THUMPD2: variants seen among roughly 807,000 people sequenced by gnomAD.
The protein encoded by THUMPD2 is U6 snRNA (guanine-N(2))-methyltransferase THUMPD2.
A neutral mutation model predicts 49.4 loss-of-function variants in THUMPD2; 56 were observed. That is an observed-to-expected ratio of 1.13 (90% confidence interval 0.91 to 1.41). The LOEUF is 1.41. Ranked by LOEUF, THUMPD2 falls within the 40% of genes most tolerant of loss-of-function variation. The pLI is 0.00. For missense variants in THUMPD2, 709 were observed against 594.5 expected (o/e 1.19, Z -2.00); for synonymous variants, 237 against 205.2 (o/e 1.15, Z -1.32).
chr2:39,779,033 TC>T, intron 1 of THUMPD2, 80 bp downstream of exon 1: 1 of 1,349,844 alleles, frequency 7.4e-7, no homozygotes, highest in South Asian at 1.8e-5. Context: ...AGCGACGCTT[TC>T]CCGCGTCCAC....
intron 6 of THUMPD2, among the ~76,000 whole-genome samples, 164 bp from the exon 7 acceptor site, chr2:39,756,124 A>T (rs1446402148): frequency 1.3e-5 from 2 of 152,094 alleles, no homozygotes; most frequent in Non-Finnish European, 2.9e-5. Context: ...TTATTTTTTT[A>T]AGTTGAAAGA....
chr2:39,771,459 A>G (rs772250161), intron 2 of THUMPD2, 46 bp downstream of exon 2: 1 of 1,547,988 alleles, frequency 6.5e-7, no homozygotes, highest in Middle Eastern at 1.8e-4. Context: ...GTTGGAGTAC[A>G]ATGTATCATG....
chr2:39,744,491 A>G lies in THUMPD2; in HGVS notation c.1079-13T>C. Reference sequence around the variant, plus strand: ...GGCAATGGCAATTCTGAAATATAGAAATCAGAGAATCCTATTACAGTAGGG... The same window carrying G: ...GGCAATGGCAATTCTGAAATATAGAGATCAGAGAATCCTATTACAGTAGGG... On this transcript the variant is annotated splice_polypyrimidine_tract_variant and intron_variant, in intron 8 of 9. Coordinates refer to ENST00000505747, the MANE Select transcript of THUMPD2 (RefSeq NM_025264.5). The G allele has an allele frequency of 1.3e-6, 2 of 1,498,598 alleles. No individual in the cohort carries two copies. The highest frequency in any genetic ancestry group is 1.8e-6 in the Non-Finnish European group (2 of 1,102,670). The allele number at this position is 1,498,598 out of a possible 1,614,324, so 92.8% of individuals were successfully genotyped here.
Position 39,736,754 on chromosome 2 carries a change from G to A in THUMPD2, c.1493C>T (p.Ser498Leu), listed in dbSNP as rs145653260. The A allele has an allele frequency of 9.9e-6, 16 of 1,613,712 alleles. No individual in the cohort carries two copies. In the African/African-American group the frequency reaches 1.6e-4, roughly 16 times the overall value. ...TDAFICKYKK[S>L]HSSGL ...AGCCTGCTACAGTCCAGAAGAGTGC[G>A]ACTTCTTATATTTACATATGAACGC... Residue 498 changes from serine (S) to leucine (L), a missense_variant, in exon 10 of 10, where the codon TCG becomes TTG. Coordinates refer to ENST00000505747, the MANE Select transcript of THUMPD2 (RefSeq NM_025264.5).
At chr2:39,759,879 T>C (rs559732162) in intron 6 of THUMPD2, among the ~76,000 whole-genome samples, 50 of 152,250 alleles carry the variant, frequency 3.3e-4, no homozygotes, top group African/African-American at 1.1e-3. Context: ...ATCGTTTAAA[T>C]ACCACATTTG....
At chr2:39,761,552 C>A in intron 5 of THUMPD2, 134 bp from the exon 6 acceptor site, 1 of 821,226 alleles carries the variant, frequency 1.2e-6, no homozygotes, top group Non-Finnish European at 1.9e-6. Flanking sequence ...CTAAGTTAGA[C>A]AATGTTTCAG....
chr2:39,767,212 A>G lies in THUMPD2; in HGVS notation c.751-1103T>C, dbSNP rs184119201. Among the ~76,000 whole-genome samples, 904 of 152,326 alleles carry G rather than the reference A, an allele frequency of 5.9e-3. 4 individuals carry two copies. Among genetic ancestry groups the G allele is most frequent in the Middle Eastern group, 0.014 (4 of 294 alleles). On this transcript the variant is annotated intron_variant, in intron 4 of 9. Transcript: ENST00000505747. ...ATGGCTGATAGGAATTGAATTTGCT[A>G]TATTTATTTATGAGATAATCTATGA...
chr2:39,741,104 A>T (rs1673839397), intron 9 of THUMPD2, among the ~76,000 whole-genome samples: 1 of 152,204 alleles, frequency 6.6e-6, no homozygotes. Flanking sequence ...CAGTGATGAT[A>T]ATAATAAGAA....
rs975790928 is a variant in THUMPD2, at chr2:39,736,409, G to A, written c.*326C>T. 5.1e-6 allele frequency: 1 copy of A among 197,728 alleles called. No individual in the cohort carries two copies. Among genetic ancestry groups the A allele is most frequent in the Non-Finnish European group, 1.0e-5 (1 of 98,374 alleles). 12.2% of individuals were successfully genotyped at this position (197,728 alleles called of 1,614,324 possible). ...AAATATCCCGTCTGGTGTTGATTGT[G>A]ATACACTTAAGTGAACCCCTGAAAA... is the stretch of plus-strand genomic sequence containing the variant. On this transcript the variant is annotated 3_prime_UTR_variant, in exon 10 of 10. Transcript: ENST00000505747.
chr2:39,764,059 T>C (rs902206297), intron 5 of THUMPD2, among the ~76,000 whole-genome samples: 3 of 152,238 alleles, frequency 2.0e-5, no homozygotes, highest in Non-Finnish European at 4.4e-5. Flanking sequence ...CTCTTCTCCA[T>C]GCGGCATACA....
intron 9 of THUMPD2, among the ~76,000 whole-genome samples, chr2:39,743,799 A>G (rs1256357197): frequency 6.6e-6 from 1 of 152,236 alleles, no homozygotes; most frequent in Non-Finnish European, 1.5e-5. Context: ...CTGCAGAATC[A>G]TGAGCCAAGT....
chr2:39,747,622 G>A (rs192281279), intron 8 of THUMPD2, among the ~76,000 whole-genome samples: 211 of 152,138 alleles, frequency 1.4e-3, no homozygotes, highest in Middle Eastern at 3.4e-3. Flanking sequence ...CCCTGAAAAC[G>A]TATCTGTGCA....
intron 6 of THUMPD2, among the ~76,000 whole-genome samples, chr2:39,757,733 T>C (rs966670125): frequency 6.6e-6 from 1 of 152,236 alleles, no homozygotes; most frequent in African/African-American, 2.4e-5. Flanking sequence ...TTTATAGAAC[T>C]TGATTTTCCT....
chr2:39,755,960 C>A lies in THUMPD2; in HGVS notation c.892G>T (p.Ala298Ser). ...WAMASLADIK[A>S]GAFVLDPMCG... ...ATTGGATCTAAAACAAATGCACCAGCCTGCAGACAGAAATATTAATTTGGT... is the reference window on the plus strand; with the variant it reads ...ATTGGATCTAAAACAAATGCACCAGACTGCAGACAGAAATATTAATTTGGT... Residue 298 changes from alanine to serine, a missense_variant and splice_region_variant, in exon 7 of 10, where the codon GCT (alanine) becomes TCT (serine). Coordinates refer to ENST00000505747, the MANE Select transcript of THUMPD2 (RefSeq NM_025264.5). 6.2e-7 allele frequency: 1 copy of A among 1,613,504 alleles called. No individual in the cohort carries two copies. Among genetic ancestry groups the A allele is most frequent in the Non-Finnish European group, 8.5e-7 (1 of 1,179,624 alleles).
At chr2:39,764,519 C>A (rs958668389) in intron 5 of THUMPD2, among the ~76,000 whole-genome samples, 1 of 152,082 alleles carries the variant, frequency 6.6e-6, no homozygotes, top group Non-Finnish European at 1.5e-5. Flanking sequence ...ATGGTTTTTT[C>A]CTTTAAAGAA....
rs558354952 is a variant in THUMPD2 at position 39,765,205 on chromosome 2, G to A, written c.803+852C>T. Among the ~76,000 whole-genome samples, 40 of 152,026 alleles carry A rather than the reference G, an allele frequency of 2.6e-4. No homozygotes were observed. The South Asian group carries it at 5.4e-3, about 21-fold the overall frequency. On this transcript the variant is annotated intron_variant, in intron 5 of 9. Transcript: ENST00000505747. ...GACAGAGTCTCACTCTGTCACCCAC[G>A]CTGGAGTGCAATGGCATGATTCTGG... is the stretch of plus-strand genomic sequence containing the variant.
Position 39,769,998 on chromosome 2 carries a change from T to C in THUMPD2, c.384A>G (p.Arg128=), listed in dbSNP as rs1485271574. ...CTTTTCTTTTTAGTTGGTTATCATCTCTCTGAGAAAGTTTTTCCTTTTTTG... is the reference window on the plus strand; with the variant it reads ...CTTTTCTTTTTAGTTGGTTATCATCCCTCTGAGAAAGTTTTTCCTTTTTTG... ...LDAKKEKLSQ[R]DDNQLKRKVG... is the part of the protein sequence containing the mutation. Residue 128 remains arginine, a synonymous_variant, in exon 3 of 10, where the codon AGA becomes AGG. Coordinates refer to ENST00000505747, the MANE Select transcript of THUMPD2 (RefSeq NM_025264.5). 1 of 1,575,404 alleles carries C rather than the reference T, an allele frequency of 6.3e-7. No homozygotes were observed. The highest frequency in any genetic ancestry group is 1.4e-5 in the African/African-American group (1 of 72,196).
chr2:39,759,312 T>C (rs566932818), intron 6 of THUMPD2, among the ~76,000 whole-genome samples: 1 of 152,224 alleles, frequency 6.6e-6, no homozygotes, highest in South Asian at 2.1e-4. Context: ...ATTATAGTTC[T>C]AGTTATTAAC....
At chr2:39,740,432 T>C (rs1228062640) in intron 9 of THUMPD2, among the ~76,000 whole-genome samples, 2 of 152,208 alleles carry the variant, frequency 1.3e-5, no homozygotes, top group Non-Finnish European at 2.9e-5. Flanking sequence ...AGTAAACATG[T>C]ATCCTTTTGT....
Sources: allele counts gnomAD v4.1 joint callset (sites outside exome capture counted in the v4.1 genomes callset), GRCh38; gene constraint gnomAD v4.1.1; transcripts MANE v1.5; gene names NCBI Gene and HGNC (gene_info 2026-07-23, HGNC 2026-07-21).